JARID2: variants seen among roughly 807,000 people sequenced by gnomAD.
JARID2 encodes the protein protein Jumonji.
JARID2 carries 21 observed loss-of-function variants against 125.6 expected under a neutral mutation model. That is an observed-to-expected ratio of 0.17 (90% CI 0.12 to 0.24). The LOEUF is 0.24. Among genes scored for constraint, JARID2 ranks in the 10% least tolerant of loss-of-function variants. The pLI is 1.00. For synonymous variants in JARID2, 736 were observed against 661.6 expected, an observed-to-expected ratio of 1.11 and a Z score of -1.73; for missense variants, 1,303 against 1,639.6, an observed-to-expected ratio of 0.79 and a Z score of 3.55.
chr6:15,266,739 C>T (rs1189616126), intron 1 of JARID2, among the ~76,000 whole-genome samples: 5 of 152,114 alleles, frequency 3.3e-5, no homozygotes, highest in Non-Finnish European at 7.4e-5. Flanking sequence ...GCTTTGTGGA[C>T]GCATATCTGA....
At chr6:15,344,532 ATTC>A (rs992134741) in intron 1 of JARID2, among the ~76,000 whole-genome samples, 9 of 148,510 alleles carry the variant, frequency 6.1e-5, no homozygotes, top group Non-Finnish European at 1.0e-4. Context: ...AAAGTGTACA[ATTC>A]TTTTTTTTTT....
chr6:15,270,905 C>T (rs1012935639), intron 1 of JARID2, among the ~76,000 whole-genome samples: 1 of 151,772 alleles, frequency 6.6e-6, no homozygotes, highest in Non-Finnish European at 1.5e-5. Context: ...CTTGCCACTG[C>T]ACTCCAGCCT....
At chr6:15,398,200 C>A (rs781520604) in intron 2 of JARID2, among the ~76,000 whole-genome samples, 6 of 152,116 alleles carry the variant, frequency 3.9e-5, no homozygotes, top group African/African-American at 1.4e-4. Flanking sequence ...GGTTTGGCAG[C>A]GGGTTCACAG....
chr6:15,359,797 C>A (rs972886817), intron 1 of JARID2, among the ~76,000 whole-genome samples: 1 of 151,724 alleles, frequency 6.6e-6, no homozygotes, highest in East Asian at 1.9e-4. Context: ...AGCAATTCTC[C>A]TGTCTCGGCG....
chr6:15,389,768 AC>A (rs1764929020), intron 2 of JARID2, among the ~76,000 whole-genome samples: 1 of 152,110 alleles, frequency 6.6e-6, no homozygotes. Context: ...GTGAGGTCGA[AC>A]CCTCTGTGGA....
At chr6:15,497,849 G>C (rs1171610212) in intron 7 of JARID2, among the ~76,000 whole-genome samples, 2 of 152,122 alleles carry the variant, frequency 1.3e-5, no homozygotes, top group African/African-American at 4.8e-5. Context: ...CTAGGGGCCA[G>C]CAGGGTTGGT....
At chr6:15,295,305 T>TA (rs1360622359) in intron 1 of JARID2, among the ~76,000 whole-genome samples, 2 of 151,986 alleles carry the variant, frequency 1.3e-5, no homozygotes, top group Non-Finnish European at 2.9e-5. Context: ...GTATTTTTAG[T>TA]AGAGACGGGA....
At chr6:15,267,321 A>G (rs1760123500) in intron 1 of JARID2, among the ~76,000 whole-genome samples, 1 of 152,200 alleles carries the variant, frequency 6.6e-6, no homozygotes. Context: ...CTTTCCTTTT[A>G]TCTACATAGA....
intron 1 of JARID2, among the ~76,000 whole-genome samples, chr6:15,342,441 C>A (rs1374451271): frequency 6.6e-6 from 1 of 152,120 alleles, no homozygotes; most frequent in African/African-American, 2.4e-5. Flanking sequence ...GTTTGTCAGC[C>A]CAGTCACTGT....
rs1770483256 is a variant in JARID2 at position 15,497,121 on chromosome 6, G to A, written c.1896G>A (p.Lys632=). The change falls in exon 7 of 18, where the codon AAG becomes AAA. Residue 632 remains lysine, a synonymous_variant. Coordinates refer to ENST00000341776, the MANE Select transcript of JARID2 (RefSeq NM_004973.4). ...ACGTGCAGCGGCTGGCCTGCATCAA[G>A]AAGCACCTCAAATCTCAGGGCATCA... ...GPNVQRLACI[K]KHLKSQGITM... 1 of 1,563,766 alleles carries A rather than the reference G, an allele frequency of 6.4e-7. No homozygotes were observed. The highest frequency in any genetic ancestry group is 2.4e-5 in the East Asian group (1 of 41,522).
intron 6 of JARID2, among the ~76,000 whole-genome samples, chr6:15,494,714 C>T (rs958608183): frequency 6.6e-6 from 1 of 152,160 alleles, no homozygotes; most frequent in African/African-American, 2.4e-5. Context: ...ATTCCATGCC[C>T]CACCCCCACT....
intron 1 of JARID2, among the ~76,000 whole-genome samples, chr6:15,265,390 C>T (rs1372006098): frequency 6.6e-6 from 1 of 151,390 alleles, no homozygotes; most frequent in Non-Finnish European, 1.5e-5. Flanking sequence ...CAAAAAAAAA[C>T]CACGCAGTCA....
chr6:15,495,903 C>T (rs1200319967), intron 6 of JARID2, among the ~76,000 whole-genome samples: 2 of 152,306 alleles, frequency 1.3e-5, no homozygotes, highest in South Asian at 2.1e-4. Flanking sequence ...ACTTCTGTGA[C>T]GAAGGATAGG....
intron 2 of JARID2, among the ~76,000 whole-genome samples, chr6:15,378,653 T>G (rs893049178): frequency 1.3e-5 from 2 of 152,176 alleles, no homozygotes; most frequent in African/African-American, 4.8e-5. Flanking sequence ...ATCCAGTACT[T>G]TTTTGCAAGA....
intron 7 of JARID2, among the ~76,000 whole-genome samples, 196 bp downstream of exon 7, chr6:15,497,366 G>T (rs932011137): frequency 6.6e-6 from 1 of 152,200 alleles, no homozygotes; most frequent in Non-Finnish European, 1.5e-5. Context: ...GGCAGGATAA[G>T]AATGGTATTG....
intron 1 of JARID2, among the ~76,000 whole-genome samples, chr6:15,352,810 GTAAA>G (rs1763474696): frequency 2.0e-5 from 3 of 152,176 alleles, no homozygotes; most frequent in Admixed American, 6.5e-5. Flanking sequence ...AATAAGTTTT[GTAAA>G]TAAATACGCA....
chr6:15,496,814 C>G lies in JARID2; in HGVS notation c.1589C>G (p.Pro530Arg). Residue 530 changes from proline to arginine, a missense_variant, in exon 7 of 18, where the codon CCG becomes CGG. Coordinates refer to ENST00000341776, the MANE Select transcript of JARID2 (RefSeq NM_004973.4). ...ASCENRSTSQ[P>R]ESVHKPQDSG... ...TGTGAAAATCGTTCTACCTCGCAAC[C>G]GGAGTCCGTGCACAAGCCGCAGGAC... 1 of 1,604,658 alleles carries G rather than the reference C, an allele frequency of 6.2e-7. No individual in the cohort carries two copies. The highest frequency in any genetic ancestry group is 1.1e-5 in the South Asian group (1 of 89,612).
At chr6:15,327,853 T>C (rs1299260985) in intron 1 of JARID2, among the ~76,000 whole-genome samples, 2 of 152,236 alleles carry the variant, frequency 1.3e-5, no homozygotes, top group Admixed American at 6.5e-5. Flanking sequence ...CTCAATGTTA[T>C]GTCTTTTGTG....
intron 2 of JARID2, among the ~76,000 whole-genome samples, chr6:15,375,263 T>G (rs1006382398): frequency 2.0e-5 from 3 of 152,240 alleles, no homozygotes; most frequent in African/African-American, 7.2e-5. Flanking sequence ...TTTCCTGAGA[T>G]GACCTCTCTG....
Sources: allele counts gnomAD v4.1 joint callset (sites outside exome capture counted in the v4.1 genomes callset), GRCh38; gene constraint gnomAD v4.1.1; transcripts MANE v1.5; gene names NCBI Gene and HGNC (gene_info 2026-07-23, HGNC 2026-07-21).